The following CNTN4 variants were observed in gnomAD, a reference collection of about 807,000 sequenced individuals.
CNTN4 encodes contactin-4.
Under a neutral mutation model 122.5 loss-of-function variants are expected in CNTN4, and 77 were observed. That is an observed-to-expected ratio of 0.63 (90% CI 0.52 to 0.76). The LOEUF (loss-of-function observed/expected upper bound fraction) is 0.76. Ranked by LOEUF, CNTN4 falls within the 30% of genes least tolerant of loss-of-function variation. The probability of loss-of-function intolerance (pLI) is 0.00; values close to 1 mark genes in which losing one functional copy is unlikely to be tolerated. For synonymous variants in CNTN4, 512 were observed against 447.0 expected (o/e 1.15, Z -1.83); for missense variants, 1,256 against 1,259.1 (o/e 1.00, Z 0.04).
chr3:2,732,908 T>C (rs536952714), intron 4 of CNTN4, among the ~76,000 whole-genome samples: 1 of 152,204 alleles, frequency 6.6e-6, no homozygotes, highest in Non-Finnish European at 1.5e-5. Context: ...ATTCCCTTTA[T>C]GCTAATGTTA....
At position 3,033,314 on chromosome 3, in the gene CNTN4, G is replaced by A. The variant is rs140151418; in HGVS notation, c.1784-1318G>A. Among the ~76,000 whole-genome samples, 447 of 152,294 alleles carry A rather than the reference G, an allele frequency of 2.9e-3. 6 individuals are homozygous for A. The highest frequency in any genetic ancestry group is 0.01 in the African/African-American group (430 of 41,558). ...CACCATGGAAAATTAATCAGTTCCA[G>A]CATACAGATTTCCAGACATTTCATT... On this transcript the variant is annotated intron_variant, in intron 16 of 24. Coordinates refer to ENST00000418658, the MANE Select transcript of CNTN4 (RefSeq NM_175607.3).
chr3:2,126,640 G>A (rs2034185750), intron 2 of CNTN4, among the ~76,000 whole-genome samples: 1 of 152,168 alleles, frequency 6.6e-6, no homozygotes, highest in African/African-American at 2.4e-5. Context: ...GTAATTTAAG[G>A]TAATTTGATA....
chr3:2,714,776 C>T (rs1242598750), intron 4 of CNTN4, among the ~76,000 whole-genome samples: 2 of 152,140 alleles, frequency 1.3e-5, no homozygotes, highest in African/African-American at 4.8e-5. Context: ...CTCGCTCTGT[C>T]ACCCAGGCTG....
At chr3:2,985,179 A>C (rs1694433220) in intron 13 of CNTN4, 1 of 152,268 alleles carries the variant, frequency 6.6e-6, no homozygotes, top group African/African-American at 2.4e-5. Flanking sequence ...AGAAGTTGGT[A>C]ATCATCTGTG....
At chr3:2,673,847 G>A (rs112678715) in intron 4 of CNTN4, among the ~76,000 whole-genome samples, 192 of 152,226 alleles carry the variant, frequency 1.3e-3, no homozygotes, top group Non-Finnish European at 2.5e-3. Context: ...CGGCCGGAGG[G>A]TCAGTTTTAA....
chr3:2,812,906 A>G (rs1464944201), intron 6 of CNTN4, among the ~76,000 whole-genome samples: 5 of 152,112 alleles, frequency 3.3e-5, no homozygotes, highest in Non-Finnish European at 7.4e-5. Flanking sequence ...GGTCCTTCTG[A>G]CTCCAAAACC....
intron 2 of CNTN4, among the ~76,000 whole-genome samples, chr3:2,233,875 C>T (rs1008231412): frequency 1.3e-5 from 2 of 152,088 alleles, no homozygotes; most frequent in African/African-American, 4.8e-5. Context: ...ATTATCCATG[C>T]CCTTTTAAAA....
intron 5 of CNTN4, among the ~76,000 whole-genome samples, chr3:2,737,484 G>T (rs141909206): frequency 3.3e-5 from 5 of 152,238 alleles, no homozygotes; most frequent in Non-Finnish European, 5.9e-5. Flanking sequence ...GTAGTGCTGG[G>T]AATTAAATAT....
At chr3:2,191,546 C>G (rs2037546001) in intron 2 of CNTN4, among the ~76,000 whole-genome samples, 1 of 152,110 alleles carries the variant, frequency 6.6e-6, no homozygotes, top group South Asian at 2.1e-4. Flanking sequence ...GTTGATCCCT[C>G]TCTTCCATGA....
chr3:2,300,941 G>A (rs769509159), intron 2 of CNTN4, among the ~76,000 whole-genome samples: 1 of 152,100 alleles, frequency 6.6e-6, no homozygotes, highest in Non-Finnish European at 1.5e-5. Flanking sequence ...TGTCCATTTG[G>A]TGGCTTCCAG....
At chr3:2,912,024 G>T (rs567247246) in intron 12 of CNTN4, among the ~76,000 whole-genome samples, 24 of 152,104 alleles carry the variant, frequency 1.6e-4, no homozygotes, top group African/African-American at 5.5e-4. Context: ...CCTATCTGAA[G>T]AAAAAATGGC....
chr3:2,355,987 C>T (rs374762460), intron 3 of CNTN4, among the ~76,000 whole-genome samples: 1 of 152,184 alleles, frequency 6.6e-6, no homozygotes, highest in South Asian at 2.1e-4. Context: ...GACCTCCCCT[C>T]AGTTGTTGCC....
intron 4 of CNTN4, among the ~76,000 whole-genome samples, chr3:2,600,209 A>C (rs1289563481): frequency 1.3e-5 from 2 of 150,916 alleles, no homozygotes; most frequent in East Asian, 3.9e-4. Context: ...AGGGCAGCTT[A>C]GATTTTTTTT....
rs35112792 is a variant in CNTN4, at chr3:2,442,593, AT to A, written c.-89+103370del. ...TAACCCCCATCCCTAACACACACAC[AT>A]TTTTTTTTTAATTGGGAGTTTTGTG... On this transcript the variant is annotated intron_variant, in intron 3 of 24. Transcript: ENST00000418658. Among the ~76,000 whole-genome samples, 305 of 150,234 alleles carry A rather than the reference AT, an allele frequency of 2.0e-3. 2 individuals carry two copies. The highest frequency in any genetic ancestry group is 6.9e-3 in the African/African-American group (284 of 40,978).
intron 2 of CNTN4, among the ~76,000 whole-genome samples, chr3:2,301,894 C>T (rs1015055892): frequency 4.6e-5 from 7 of 152,138 alleles, no homozygotes; most frequent in African/African-American, 1.2e-4. Flanking sequence ...TAGCAATTTA[C>T]GTGAGAGAAA....
Position 3,053,991 on chromosome 3 carries a change from T to A in CNTN4, c.2980+16T>A. On this transcript the variant is annotated intron_variant, in intron 24 of 24. Transcript: ENST00000418658. ...AAGATATCAAGTGAGAATGCCTTTT[T>A]TTCTCCCTTTTCTCCTGCCTGTCTT... 4 of 1,612,900 alleles carry A rather than the reference T, an allele frequency of 2.5e-6. No homozygotes were observed. The highest frequency in any genetic ancestry group is 3.4e-6 in the Non-Finnish European group (4 of 1,179,000).
chr3:2,562,329 C>G (rs757773020), intron 3 of CNTN4, among the ~76,000 whole-genome samples: 1 of 152,106 alleles, frequency 6.6e-6, no homozygotes, highest in Non-Finnish European at 1.5e-5. Context: ...CCCTATCACC[C>G]AAGCAGTGAG....
At chr3:2,992,832 T>TAC (rs1483070035) in intron 14 of CNTN4, among the ~76,000 whole-genome samples, 2 of 152,182 alleles carry the variant, frequency 1.3e-5, no homozygotes, top group Non-Finnish European at 1.5e-5. Context: ...AACACTGTCC[T>TAC]ACACCAAAGA....
intron 4 of CNTN4, among the ~76,000 whole-genome samples, chr3:2,595,011 G>C (rs2616597): frequency 2.6e-5 from 4 of 151,950 alleles, no homozygotes; most frequent in African/African-American, 9.7e-5. Context: ...CTCACATTGG[G>C]TATGTGACCA....
Sources: gnomAD v4.1 joint callset for allele counts (sites outside exome capture counted in the v4.1 genomes callset) on GRCh38, gnomAD v4.1.1 for gene constraint, MANE v1.5 for transcripts, NCBI Gene and HGNC (gene_info 2026-07-23, HGNC 2026-07-21) for gene names.